PRLR: variants seen among roughly 807,000 people sequenced by gnomAD.
PRLR encodes hPRL receptor.
Under a neutral mutation model 40.2 loss-of-function variants are expected in PRLR, and 13 were observed. The observed-to-expected ratio is 0.32, with a 90% CI of 0.21 to 0.51. PRLR has a LOEUF of 0.51. Among genes scored for constraint, PRLR ranks in the 20% least tolerant of loss-of-function variants. PRLR has a pLI of 0.97. For missense variants in PRLR, 656 were observed against 747.3 expected, an observed-to-expected ratio of 0.88 and a Z score of 1.42; for synonymous variants, 269 against 278.7, an observed-to-expected ratio of 0.97 and a Z score of 0.35.
chr5:35,105,901 A>G (rs1772212784), intron 2 of PRLR, among the ~76,000 whole-genome samples: 5 of 152,202 alleles, frequency 3.3e-5, no homozygotes, highest in Admixed American at 3.3e-4. Context: ...CCTCGAGAAG[A>G]GCAACTCCAA....
At chr5:35,109,752 C>G (rs988555648) in intron 2 of PRLR, among the ~76,000 whole-genome samples, 2 of 152,142 alleles carry the variant, frequency 1.3e-5, no homozygotes, top group African/African-American at 4.8e-5. Flanking sequence ...AATAGGAACA[C>G]TTTTACACTA....
intron 2 of PRLR, among the ~76,000 whole-genome samples, chr5:35,105,703 C>T (rs963297566): frequency 6.6e-6 from 1 of 152,082 alleles, no homozygotes; most frequent in Admixed American, 6.6e-5. Context: ...AGAAACAAAG[C>T]CTCCAAGAAA....
chr5:35,220,180 A>T (rs540092112), intron 1 of PRLR, among the ~76,000 whole-genome samples: 1 of 152,264 alleles, frequency 6.6e-6, no homozygotes, highest in East Asian at 1.9e-4. Flanking sequence ...CCTCCCAATG[A>T]GTTAGGATGT....
intron 1 of PRLR, among the ~76,000 whole-genome samples, chr5:35,163,224 T>G (rs372175436): frequency 1.3e-5 from 2 of 152,178 alleles, no homozygotes; most frequent in African/African-American, 4.8e-5. Flanking sequence ...CCAATAAATT[T>G]CATTTTTCTC....
downstream of PRLR, among the ~76,000 whole-genome samples, chr5:35,052,526 A>G (rs561406149): frequency 9.2e-5 from 14 of 152,276 alleles, no homozygotes; most frequent in East Asian, 1.7e-3. Context: ...CTGGTCCCTC[A>G]TTCTCTCCAG....
intron 3 of PRLR, 80 bp downstream of exon 3, chr5:35,089,471 G>T: frequency 2.1e-6 from 2 of 937,248 alleles, no homozygotes; most frequent in Non-Finnish European, 3.5e-6. Context: ...TAATGGCATT[G>T]CAAGAAGACT....
At position 35,135,744 on chromosome 5, in the gene PRLR, G is replaced by T. The variant is rs1325517134; in HGVS notation, c.-105-17622C>A. On this transcript the variant is annotated intron_variant, in intron 1 of 9. Transcript: ENST00000618457. Reference sequence around the variant, plus strand: ...CTTTGTTAGACGCGGCAATCACGATGCCTGCCTCAGCCAGTGCCCGTCCTG... The same window carrying T: ...CTTTGTTAGACGCGGCAATCACGATTCCTGCCTCAGCCAGTGCCCGTCCTG... Among the ~76,000 whole-genome samples the T allele has an allele frequency of 2.0e-5, 3 of 152,240 alleles. No individual in the cohort carries two copies. The East Asian group carries it at 5.8e-4, about 29-fold the overall frequency.
intron 1 of PRLR, among the ~76,000 whole-genome samples, chr5:35,205,823 T>C (rs1286032279): frequency 1.3e-5 from 2 of 152,174 alleles, no homozygotes; most frequent in African/African-American, 2.4e-5. Flanking sequence ...AACTAGGACA[T>C]GTCATTCTGC....
intron 1 of PRLR, among the ~76,000 whole-genome samples, chr5:35,180,105 T>A (rs1458166603): frequency 1.3e-5 from 2 of 152,184 alleles, no homozygotes; most frequent in African/African-American, 4.8e-5. Flanking sequence ...CCTAGATCCC[T>A]CACATGTGCA....
intron 8 of PRLR, among the ~76,000 whole-genome samples, chr5:35,049,914 T>C (rs1343203065): frequency 6.6e-6 from 1 of 150,426 alleles, no homozygotes; most frequent in Non-Finnish European, 1.5e-5. Flanking sequence ...TTTTTTTTTT[T>C]TTTTTTTTTT....
At chr5:35,087,422 T>G (rs957906830) in intron 3 of PRLR, among the ~76,000 whole-genome samples, 3 of 140,854 alleles carry the variant, frequency 2.1e-5, no homozygotes, top group Admixed American at 7.1e-5. Flanking sequence ...TCTCTTTCCT[T>G]TGTGTGTGTG....
rs969418352 is a variant in PRLR, at chr5:35,077,937, C to A, written c.374-5193G>T. On this transcript the variant is annotated intron_variant, in intron 5 of 9. Coordinates refer to ENST00000618457, the MANE Select transcript of PRLR (RefSeq NM_000949.7). ...GCTCAACTACATGGAAACTGAACAA[C>A]CTGCTCCTGAATCACTACTGGGTAC... Among the ~76,000 whole-genome samples the A allele has an allele frequency of 2.0e-5, 3 of 152,200 alleles. No individual in the cohort carries two copies. The South Asian group carries it at 6.2e-4, about 32-fold the overall frequency.
At position 35,065,344 on chromosome 5, in the gene PRLR, C is replaced by G; in HGVS notation, c.1614G>C (p.Gly538=). ...RENSGKPKKP[G]TPENNKEYAK... is the part of the protein sequence containing the mutation. The stretch of plus-strand genomic sequence containing the variant: ...CATACTCCTTATTGTTCTCAGGAGT[C>G]CCGGGCTTCTTGGGCTTGCCGCTGT... Residue 538 remains glycine, a synonymous_variant, in exon 10 of 10, where the codon GGG becomes GGC. Transcript: ENST00000618457. 1 of 1,614,136 alleles carries G rather than the reference C, an allele frequency of 6.2e-7. No individual in the cohort carries two copies. Among genetic ancestry groups the G allele is most frequent in the Non-Finnish European group, 8.5e-7 (1 of 1,180,024 alleles).
chr5:35,070,841 C>CAAAAAAAAAAAAAAAAAAAA (rs34668616), intron 6 of PRLR, among the ~76,000 whole-genome samples: 1 of 69,168 alleles, frequency 1.4e-5, no homozygotes, highest in African/African-American at 5.0e-5. Flanking sequence ...AACTCCGTCT[C>CAAAAAAAAAAAAAAAAAAAA]AAAAAAAAAA....
intron 5 of PRLR, among the ~76,000 whole-genome samples, chr5:35,073,257 A>T (rs937695764): frequency 6.6e-6 from 1 of 152,212 alleles, no homozygotes; most frequent in Non-Finnish European, 1.5e-5. Context: ...TACATCTTAT[A>T]TTCAACATAC....
chr5:35,104,415 G>A (rs1226219632), intron 2 of PRLR, among the ~76,000 whole-genome samples: 3 of 152,126 alleles, frequency 2.0e-5, no homozygotes, highest in Non-Finnish European at 4.4e-5. Context: ...GTGGAAGTAG[G>A]GGGGTGCATC....
intron 1 of PRLR, among the ~76,000 whole-genome samples, chr5:35,176,976 G>A (rs1261477355): frequency 2.0e-5 from 3 of 152,152 alleles, no homozygotes; most frequent in African/African-American, 7.2e-5. Flanking sequence ...TAGGGCTGGA[G>A]GTGGGACCTG....
At chr5:35,067,363 T>C (rs1294663040) in intron 9 of PRLR, among the ~76,000 whole-genome samples, 3 of 152,134 alleles carry the variant, frequency 2.0e-5, no homozygotes, top group African/African-American at 7.2e-5. Flanking sequence ...TGCTGAGACA[T>C]TCATGCTGGT....
At chr5:35,126,496 AT>A (rs1006843578) in intron 1 of PRLR, among the ~76,000 whole-genome samples, 1 of 151,844 alleles carries the variant, frequency 6.6e-6, no homozygotes, top group African/African-American at 2.4e-5. Context: ...AAATTGGAGG[AT>A]TTTTTTTCTT....
Sources: gnomAD v4.1 joint callset for allele counts (sites outside exome capture counted in the v4.1 genomes callset) on GRCh38, gnomAD v4.1.1 for gene constraint, MANE v1.5 for transcripts, NCBI Gene and HGNC (gene_info 2026-07-23, HGNC 2026-07-21) for gene names.